NAALADL2: variants seen among roughly 807,000 people sequenced by gnomAD.
NAALADL2 encodes inactive N-acetylated-alpha-linked acidic dipeptidase-like protein 2.
In NAALADL2, 76 loss-of-function variants were observed where a neutral mutation model predicts 87.2. The observed-to-expected ratio is 0.87, with a 90% CI of 0.72 to 1.05. The LOEUF is 1.05. Among genes scored for constraint, NAALADL2 ranks in the 50% least tolerant of loss-of-function variants. NAALADL2 has a pLI of 0.00. For synonymous variants in NAALADL2, 354 were observed against 331.0 expected, an observed-to-expected ratio of 1.07 and a Z score of -0.75; for missense variants, 1,089 against 945.8, an observed-to-expected ratio of 1.15 and a Z score of -1.99.
At chr3:175,664,739 C>T (rs986543705) in intron 11 of NAALADL2, among the ~76,000 whole-genome samples, 17 of 152,074 alleles carry the variant, frequency 1.1e-4, no homozygotes, top group Admixed American at 2.0e-4. Context: ...CAGGTAAAAA[C>T]TCTAAATTAT....
chr3:175,029,498 A>G (rs776760675), intron 1 of NAALADL2, among the ~76,000 whole-genome samples: 13 of 152,086 alleles, frequency 8.5e-5, no homozygotes, highest in Non-Finnish European at 1.6e-4. Context: ...AAAAAGGAAG[A>G]TAATTGTTAG....
intron 5 of NAALADL2, among the ~76,000 whole-genome samples, chr3:175,441,813 A>G (rs1488825846): frequency 2.0e-5 from 3 of 152,080 alleles, no homozygotes; most frequent in Non-Finnish European, 4.4e-5. Flanking sequence ...TTATTTAACC[A>G]GCACATTTTT....
chr3:174,658,040 C>A (rs1725144382), intron 2 of NAALADL2, among the ~76,000 whole-genome samples: 1 of 152,162 alleles, frequency 6.6e-6, no homozygotes, highest in South Asian at 2.1e-4. Flanking sequence ...TGAAGGATAT[C>A]TTGGTTGCCT....
intron 13 of NAALADL2, among the ~76,000 whole-genome samples, chr3:175,781,716 A>AT (rs1313794477): frequency 2.0e-5 from 3 of 146,898 alleles, no homozygotes; most frequent in Non-Finnish European, 4.5e-5. Flanking sequence ...TATTTTTTTT[A>AT]TTTTTTTATT....
At position 175,086,609 on chromosome 3, in the gene NAALADL2, T is replaced by G. The variant is rs558381578; in HGVS notation, c.44-10181T>G. 8.5e-5 allele frequency among the ~76,000 whole-genome samples: 13 copies of G among 152,290 alleles called. No homozygotes were observed. In the South Asian group the frequency reaches 2.5e-3, roughly 29 times the overall value. On this transcript the variant is annotated intron_variant, in intron 1 of 13. Transcript: ENST00000454872. The stretch of plus-strand genomic sequence containing the variant: ...ATTTAATTTCTTTGCGGCTCTTACA[T>G]TTTCATGCCTTTTGCCTGACATTTA...
intron 2 of NAALADL2, among the ~76,000 whole-genome samples, chr3:174,728,047 A>G (rs1037993177): frequency 1.3e-5 from 2 of 151,950 alleles, no homozygotes; most frequent in Non-Finnish European, 2.9e-5. Flanking sequence ...TTGTGGCTTG[A>G]TAACTCAGTT....
chr3:175,269,281 T>C (rs1041818016), intron 4 of NAALADL2, among the ~76,000 whole-genome samples: 1 of 152,100 alleles, frequency 6.6e-6, no homozygotes, highest in African/African-American at 2.4e-5. Context: ...CACTCTAAAA[T>C]AGCAAAAATA....
At chr3:175,226,695 G>C (rs920062757) in intron 2 of NAALADL2, among the ~76,000 whole-genome samples, 19 of 152,032 alleles carry the variant, frequency 1.2e-4, no homozygotes, top group African/African-American at 4.6e-4. Context: ...TAGTTACTAT[G>C]TTATTTTAGA....
intron 2 of NAALADL2, among the ~76,000 whole-genome samples, chr3:174,599,607 T>C (rs747678092): frequency 5.9e-5 from 9 of 152,316 alleles, no homozygotes; most frequent in Non-Finnish European, 1.0e-4. Context: ...GAAATACTGA[T>C]ACCTGATTAT....
At chr3:175,113,039 T>C (rs960057249) in intron 2 of NAALADL2, among the ~76,000 whole-genome samples, 6 of 151,544 alleles carry the variant, frequency 4.0e-5, no homozygotes, top group African/African-American at 1.5e-4. Context: ...TGACAAAAGA[T>C]TAGTTTGTAA....
At chr3:175,381,604 G>T (rs1767793230) in intron 5 of NAALADL2, among the ~76,000 whole-genome samples, 1 of 151,886 alleles carries the variant, frequency 6.6e-6, no homozygotes, top group South Asian at 2.1e-4. Flanking sequence ...CTGAATTTCT[G>T]TCATGATAAT....
At chr3:174,845,208 A>C (rs903357289) in intron 3 of NAALADL2, among the ~76,000 whole-genome samples, 6 of 152,202 alleles carry the variant, frequency 3.9e-5, no homozygotes, top group Non-Finnish European at 8.8e-5. Context: ...CTCTTCAGCA[A>C]GATGGACCAC....
intron 12 of NAALADL2, among the ~76,000 whole-genome samples, chr3:175,748,283 T>TA (rs1347513684): frequency 2.0e-5 from 3 of 152,286 alleles, no homozygotes; most frequent in South Asian, 2.1e-4. Context: ...TGATTCATAC[T>TA]AAAAAAAGCA....
intron 11 of NAALADL2, among the ~76,000 whole-genome samples, chr3:175,657,665 C>G (rs2149803508): frequency 6.6e-6 from 1 of 151,634 alleles, no homozygotes; most frequent in Admixed American, 6.6e-5. Flanking sequence ...ACTGCAAGCT[C>G]CGCCTCCCAG....
At chr3:175,302,294 C>T (rs75411589) in intron 4 of NAALADL2, among the ~76,000 whole-genome samples, 2,079 of 152,212 alleles carry the variant, frequency 0.014, 49 homozygotes, top group African/African-American at 0.047. Flanking sequence ...AATAAATCCA[C>T]GGCAAACATT....
chr3:175,303,074 C>T (rs1757286631), intron 4 of NAALADL2, among the ~76,000 whole-genome samples: 1 of 151,984 alleles, frequency 6.6e-6, no homozygotes, highest in African/African-American at 2.4e-5. Flanking sequence ...TGGGGGAATA[C>T]ATTTAACATA....
intron 3 of NAALADL2, among the ~76,000 whole-genome samples, chr3:175,236,477 A>G (rs113359528): frequency 0.02 from 2,802 of 143,588 alleles, 87 homozygotes; most frequent in African/African-American, 0.069. Context: ...GGAGCCCAGG[A>G]GGGGAGGTTG....
At chr3:174,898,539 G>C (rs1333242933) in intron 1 of NAALADL2, among the ~76,000 whole-genome samples, 1 of 152,098 alleles carries the variant, frequency 6.6e-6, no homozygotes, top group Non-Finnish European at 1.5e-5. Context: ...ATAAATGCTT[G>C]AGGAGATGGA....
intron 1 of NAALADL2, among the ~76,000 whole-genome samples, chr3:175,084,357 G>A (rs1415423567): frequency 6.6e-6 from 1 of 152,118 alleles, no homozygotes; most frequent in Non-Finnish European, 1.5e-5. Context: ...TGGGTCTAAA[G>A]GGTCGAGATA....
Sources: gnomAD v4.1 joint callset for allele counts (sites outside exome capture counted in the v4.1 genomes callset) on GRCh38, gnomAD v4.1.1 for gene constraint, MANE v1.5 for transcripts, NCBI Gene and HGNC (gene_info 2026-07-23, HGNC 2026-07-21) for gene names.